MOCS1: variants seen among roughly 807,000 people sequenced by gnomAD.
MOCS1 encodes molybdenum cofactor synthesis 1, also known as molybdenum cofactor biosynthesis protein 1.
In MOCS1, 39 loss-of-function variants were observed where a neutral mutation model predicts 57.6. The ratio of observed to expected loss-of-function variants is 0.68; its 90% confidence interval spans 0.52 to 0.88. The LOEUF is 0.88. Ranked by LOEUF, MOCS1 falls within the 40% of genes least tolerant of loss-of-function variation. The pLI is 0.00. For synonymous variants in MOCS1, 334 were observed against 335.7 expected, an observed-to-expected ratio of 1.00 and a Z score of 0.05; for missense variants, 795 against 831.1, an observed-to-expected ratio of 0.96 and a Z score of 0.53.
At chr6:39,922,735 A>G (rs1768043842) in intron 3 of MOCS1, among the ~76,000 whole-genome samples, 1 of 152,142 alleles carries the variant, frequency 6.6e-6, no homozygotes, top group African/African-American at 2.4e-5. Context: ...GCACCTCTCA[A>G]AGGCTGACAG....
chr6:39,921,918 C>G (rs1267064828), intron 3 of MOCS1, among the ~76,000 whole-genome samples: 1 of 152,112 alleles, frequency 6.6e-6, no homozygotes, highest in Non-Finnish European at 1.5e-5. Flanking sequence ...TTTTCTGATC[C>G]TCTCCCTTTT....
In MOCS1 at chr6:39,934,454, G is replaced by T. The variant is rs1562108479; in HGVS notation, c.-37C>A. On this transcript the variant is annotated 5_prime_UTR_variant, in exon 1 of 11. Transcript: ENST00000340692. ...CGAGCGGAACCGCAGCCCGCTTCGG[G>T]AGCACACTGGCCGGGCACTCGCCCC... 1.3e-6 allele frequency: 2 copies of T among 1,555,152 alleles called. No individual in the cohort carries two copies. The highest frequency in any genetic ancestry group is 1.3e-5 in the African/African-American group (1 of 74,120).
At chr6:39,912,225 G>A (rs1454688137) in intron 8 of MOCS1, 39 bp downstream of exon 8, 1 of 1,450,026 alleles carries the variant, frequency 6.9e-7, no homozygotes, top group African/African-American at 1.4e-5. Flanking sequence ...TGAGAACACA[G>A]AGGTGGCAAG....
chr6:39,909,694 G>C, intron 9 of MOCS1, 141 bp downstream of exon 9: 1 of 1,141,350 alleles, frequency 8.8e-7, no homozygotes, highest in Admixed American at 1.7e-5. Flanking sequence ...CAACAGCAGT[G>C]AGTGGTAGTG....
chr6:39,919,503 A>T (rs1375237336), intron 3 of MOCS1, among the ~76,000 whole-genome samples: 1 of 129,166 alleles, frequency 7.7e-6, no homozygotes, highest in Non-Finnish European at 1.7e-5. Flanking sequence ...CAAAAAACAA[A>T]CAAAAAACAG....
intron 2 of MOCS1, 149 bp downstream of exon 2, chr6:39,927,180 C>A: frequency 1.1e-6 from 1 of 947,926 alleles, no homozygotes; most frequent in Non-Finnish European, 1.6e-6. Context: ...CCCCTGAAGC[C>A]CACCTGGCCT....
At chr6:39,912,758 G>A (rs1767411465) in intron 7 of MOCS1, 134 bp downstream of exon 7, 2 of 802,404 alleles carry the variant, frequency 2.5e-6, no homozygotes, top group Non-Finnish European at 4.4e-6. Context: ...TGATAGCACT[G>A]ATGCTTCCTG....
intron 3 of MOCS1, among the ~76,000 whole-genome samples, chr6:39,917,053 G>A (rs1256753547): frequency 6.6e-6 from 1 of 152,176 alleles, no homozygotes; most frequent in Non-Finnish European, 1.5e-5. Context: ...AGAAGCATTT[G>A]CCTCAAGGAT....
intron 1 of MOCS1, among the ~76,000 whole-genome samples, chr6:39,933,238 G>C: frequency 6.6e-6 from 1 of 152,236 alleles, no homozygotes; most frequent in Non-Finnish European, 1.5e-5. Flanking sequence ...ATAAACTAGG[G>C]GGTGGGGGGC....
intron 1 of MOCS1, among the ~76,000 whole-genome samples, chr6:39,930,533 G>C (rs947761067): frequency 3.8e-5 from 5 of 131,948 alleles, no homozygotes; most frequent in African/African-American, 1.4e-4. Context: ...CAGTTACATG[G>C]GGGTAATCAT....
chr6:39,917,100 C>A (rs1466135057), intron 3 of MOCS1, among the ~76,000 whole-genome samples: 2 of 152,146 alleles, frequency 1.3e-5, no homozygotes, highest in Non-Finnish European at 2.9e-5. Flanking sequence ...AGCCATGGGG[C>A]TGTATTAGTT....
At chr6:39,931,214 G>A (rs1429532966) in intron 1 of MOCS1, among the ~76,000 whole-genome samples, 1 of 152,006 alleles carries the variant, frequency 6.6e-6, no homozygotes, top group Non-Finnish European at 1.5e-5. Context: ...GGTGAAGGGG[G>A]TGGGGAAGGG....
chr6:39,915,840 G>A (rs1386205288), intron 4 of MOCS1, among the ~76,000 whole-genome samples: 1 of 152,132 alleles, frequency 6.6e-6, no homozygotes, highest in Non-Finnish European at 1.5e-5. Flanking sequence ...TGGGCAAACT[G>A]GGGCTGGGGT....
intron 2 of MOCS1, among the ~76,000 whole-genome samples, chr6:39,926,802 C>T: frequency 7.1e-6 from 1 of 140,744 alleles, no homozygotes; most frequent in Non-Finnish European, 1.5e-5. Flanking sequence ...GAAGGAAGAT[C>T]AACTTTGGAA....
At chr6:39,922,599 AAAG>A (rs1280992046) in intron 3 of MOCS1, among the ~76,000 whole-genome samples, 1 of 152,160 alleles carries the variant, frequency 6.6e-6, no homozygotes, top group African/African-American at 2.4e-5. Flanking sequence ...TCTCAGCTGA[AAAG>A]AAGGGGCATG....
In MOCS1 at chr6:39,927,407, A is replaced by G; in HGVS notation, c.172T>C (p.Ser58Pro). 1 of 1,612,814 alleles carries G rather than the reference A, an allele frequency of 6.2e-7. No individual in the cohort carries two copies. Among genetic ancestry groups the G allele is most frequent in the Non-Finnish European group, 8.5e-7 (1 of 1,179,880 alleles). The change falls in exon 2 of 11, where the codon TCC becomes CCC. Residue 58 changes from serine to proline, a missense_variant. Physicochemically the swap from Ser to Pro is moderately conservative, Grantham distance 74. Coordinates refer to ENST00000340692, the MANE Select transcript of MOCS1 (RefSeq NM_001358530.2). ...CCGAAGCTGTCTGTGAGGAAGGCGG[A>G]GAAGGGGGCCGCATGCTCCCGCAGG... ...QFLREHAAPFSAFLTDSFGRQ... is the reference protein window; with the variant it reads ...QFLREHAAPFPAFLTDSFGRQ...
At chr6:39,930,152 C>T (rs1768571651) in intron 1 of MOCS1, among the ~76,000 whole-genome samples, 1 of 152,144 alleles carries the variant, frequency 6.6e-6, no homozygotes, top group African/African-American at 2.4e-5. Context: ...CCCATTCCTG[C>T]ATCTTCTCTC....
intron 1 of MOCS1, among the ~76,000 whole-genome samples, chr6:39,929,725 G>A (rs1366951075): frequency 6.6e-6 from 1 of 152,002 alleles, no homozygotes; most frequent in East Asian, 1.9e-4. Flanking sequence ...CAGATCATTT[G>A]AGGCCAGGAG....
At chr6:39,916,592 T>C (rs556439173) in intron 3 of MOCS1, among the ~76,000 whole-genome samples, 1 of 152,326 alleles carries the variant, frequency 6.6e-6, no homozygotes, top group East Asian at 1.9e-4. Context: ...TTTAAATCCA[T>C]GTGTACTTGA....
Sources: gnomAD v4.1 joint callset for allele counts (sites outside exome capture counted in the v4.1 genomes callset) on GRCh38, gnomAD v4.1.1 for gene constraint, MANE v1.5 for transcripts, NCBI Gene and HGNC (gene_info 2026-07-23, HGNC 2026-07-21) for gene names.